The following RSU1 variants were observed in gnomAD, a reference collection of about 807,000 sequenced individuals.
The protein encoded by RSU1 is rsu-1.
RSU1 carries 26 observed loss-of-function variants against 31.1 expected under a neutral mutation model. That is an observed-to-expected ratio of 0.84 (90% confidence interval 0.61 to 1.16). The LOEUF is 1.16. RSU1 is among the 50% of genes most tolerant of loss of function. RSU1 has a pLI of 0.00. For missense variants in RSU1, 320 were observed against 339.1 expected, an observed-to-expected ratio of 0.94 and a Z score of 0.44; for synonymous variants, 164 against 136.3, an observed-to-expected ratio of 1.20 and a Z score of -1.41.
intron 7 of RSU1, among the ~76,000 whole-genome samples, chr10:16,734,391 A>G (rs147748279): frequency 2.5e-4 from 38 of 152,348 alleles, no homozygotes; most frequent in African/African-American, 9.1e-4. Context: ...TCTGGTAGTT[A>G]TACATGAATG....
At chr10:16,796,658 T>A (rs1838040435) in intron 2 of RSU1, among the ~76,000 whole-genome samples, 1 of 152,194 alleles carries the variant, frequency 6.6e-6, no homozygotes, top group Admixed American at 6.5e-5. Context: ...AGATACTACA[T>A]ACACATTATC....
chr10:16,606,962 C>G (rs1007156675), intron 8 of RSU1, among the ~76,000 whole-genome samples: 1 of 152,212 alleles, frequency 6.6e-6, no homozygotes, highest in Non-Finnish European at 1.5e-5. Flanking sequence ...GATTTCACCA[C>G]AGCAGGTGAC....
chr10:16,718,691 A>G (rs1305496782), intron 7 of RSU1, among the ~76,000 whole-genome samples: 1 of 152,188 alleles, frequency 6.6e-6, no homozygotes, highest in Non-Finnish European at 1.5e-5. Flanking sequence ...AACAACAAAA[A>G]AAGTGGTGGC....
At chr10:16,597,004 C>T (rs867494285) in intron 8 of RSU1, among the ~76,000 whole-genome samples, 5 of 152,228 alleles carry the variant, frequency 3.3e-5, no homozygotes, top group South Asian at 2.1e-4. Flanking sequence ...GCGTGAGCCA[C>T]GCACCTGGCC....
At chr10:16,677,539 A>G (rs1426291026) in intron 8 of RSU1, among the ~76,000 whole-genome samples, 3 of 152,186 alleles carry the variant, frequency 2.0e-5, no homozygotes, top group Non-Finnish European at 2.9e-5. Flanking sequence ...AACCAGAGTA[A>G]ACCCAAGTCG....
chr10:16,786,548 G>T (rs1043036760), intron 2 of RSU1, among the ~76,000 whole-genome samples: 5 of 151,788 alleles, frequency 3.3e-5, no homozygotes, highest in African/African-American at 1.2e-4. Context: ...ATTACTTTGG[G>T]GTGGGGGGGA....
chr10:16,652,045 A>G (rs1834693293), intron 8 of RSU1, among the ~76,000 whole-genome samples: 1 of 152,142 alleles, frequency 6.6e-6, no homozygotes, highest in African/African-American at 2.4e-5. Flanking sequence ...TGTACGCAAA[A>G]ACTATGTAAA....
At chr10:16,809,227 G>C (rs550643336) in intron 2 of RSU1, among the ~76,000 whole-genome samples, 9 of 152,144 alleles carry the variant, frequency 5.9e-5, no homozygotes, top group African/African-American at 2.2e-4. Context: ...CATTTCCTTT[G>C]ATTGGAAACA....
chr10:16,734,441 G>A (rs1836582947), intron 7 of RSU1, among the ~76,000 whole-genome samples: 2 of 152,194 alleles, frequency 1.3e-5, no homozygotes, highest in Non-Finnish European at 2.9e-5. Context: ...AGAATAAAGG[G>A]TTACAATGAT....
chr10:16,777,673 T>C (rs140347029), intron 3 of RSU1, among the ~76,000 whole-genome samples: 1 of 152,254 alleles, frequency 6.6e-6, no homozygotes, highest in African/African-American at 2.4e-5. Flanking sequence ...AACTCCTTTT[T>C]AAAAACAAAA....
intron 8 of RSU1, among the ~76,000 whole-genome samples, chr10:16,689,058 T>C (rs763273943): frequency 6.6e-6 from 1 of 151,952 alleles, no homozygotes; most frequent in Non-Finnish European, 1.5e-5. Flanking sequence ...CATTTTCATG[T>C]CTACTACACA....
intron 3 of RSU1, among the ~76,000 whole-genome samples, chr10:16,764,786 C>T (rs1404176357): frequency 6.6e-6 from 1 of 152,022 alleles, no homozygotes; most frequent in Non-Finnish European, 1.5e-5. Context: ...AGCAAAAATG[C>T]ACAACAGAGA....
At chr10:16,811,967 G>A (rs375019841) in intron 2 of RSU1, among the ~76,000 whole-genome samples, 2 of 152,190 alleles carry the variant, frequency 1.3e-5, no homozygotes, top group African/African-American at 4.8e-5. Flanking sequence ...CCTTGAGGAG[G>A]TCACAGGAAA....
intron 2 of RSU1, among the ~76,000 whole-genome samples, chr10:16,789,755 C>T (rs933922715): frequency 1.3e-5 from 2 of 152,172 alleles, no homozygotes; most frequent in Non-Finnish European, 2.9e-5. Context: ...TTCTAATGCT[C>T]CTGCTAACCA....
At chr10:16,702,346 C>A (rs1354037568) in intron 7 of RSU1, among the ~76,000 whole-genome samples, 6 of 152,226 alleles carry the variant, frequency 3.9e-5, no homozygotes, top group Non-Finnish European at 8.8e-5. Context: ...CCACCAACCT[C>A]TAGACCAGAG....
At position 16,591,845 on chromosome 10, in the gene RSU1, C is replaced by CAATT. The variant is rs1833510908; in HGVS notation, c.*1545_*1548dup. On this transcript the variant is annotated 3_prime_UTR_variant, in exon 9 of 9. Coordinates refer to ENST00000345264, the MANE Select transcript of RSU1 (RefSeq NM_012425.4). ...CGTGCAATCTCAAAAGCTCAAAAGT[C>CAATT]AATTAAAAAAATTCAGGCAGAGGCA... The CAATT allele has an allele frequency of 6.6e-6, 1 of 151,990 alleles. No homozygotes were observed. The highest frequency in any genetic ancestry group is 2.4e-5 in the African/African-American group (1 of 41,356). The allele number at this position is 151,990 out of a possible 1,614,324, so 9.4% of individuals were successfully genotyped here. A position where few individuals can be genotyped will look rare whatever the true frequency, so the allele number is the denominator to read the frequency against.
intron 3 of RSU1, among the ~76,000 whole-genome samples, chr10:16,768,887 T>C (rs936610866): frequency 5.9e-5 from 9 of 152,228 alleles, no homozygotes; most frequent in Admixed American, 4.6e-4. Flanking sequence ...ACCTCCACTT[T>C]GCTGGACAGG....
chr10:16,679,873 T>G (rs1835296935), intron 8 of RSU1, among the ~76,000 whole-genome samples: 1 of 32,616 alleles, frequency 3.1e-5, no homozygotes, highest in Non-Finnish European at 7.8e-5. Flanking sequence ...ACTCAAGTTT[T>G]TTTTTTTTTT....
intron 7 of RSU1, among the ~76,000 whole-genome samples, chr10:16,738,383 G>A (rs7068130): frequency 0.18 from 27,994 of 152,028 alleles, 2,664 homozygotes; most frequent in Admixed American, 0.2. Context: ...CCCAGGAGGC[G>A]GAGCATGCAG....
Sources: gnomAD v4.1 joint callset for allele counts (sites outside exome capture counted in the v4.1 genomes callset) on GRCh38, gnomAD v4.1.1 for gene constraint, MANE v1.5 for transcripts, NCBI Gene and HGNC (gene_info 2026-07-23, HGNC 2026-07-21) for gene names.